The following LHFPL4 variants were observed in gnomAD, a reference collection of about 807,000 sequenced individuals.
LHFPL4 encodes LHFPL tetraspan subfamily member 4, also known as LHFPL tetraspan subfamily member 4 protein.
A neutral mutation model predicts 20.0 loss-of-function variants in LHFPL4; 6 were observed. The observed-to-expected ratio is 0.30, with a 90% CI of 0.16 to 0.59. The LOEUF (loss-of-function observed/expected upper bound fraction) is 0.59. Among genes scored for constraint, LHFPL4 ranks in the 20% least tolerant of loss-of-function variants. The pLI is 0.88. For missense variants in LHFPL4, 215 were observed against 331.2 expected (o/e 0.65, Z 2.72); for synonymous variants, 129 against 143.8 (o/e 0.90, Z 0.74).
chr3:9,514,224 T>C (rs1184532264), intron 2 of LHFPL4, among the ~76,000 whole-genome samples: 5 of 152,154 alleles, frequency 3.3e-5, no homozygotes, highest in Admixed American at 1.3e-4. Context: ...GGAGAAGCAC[T>C]TGAGCCCAGA....
chr3:9,549,307 T>C (rs1050015178), intron 2 of LHFPL4, among the ~76,000 whole-genome samples: 4 of 152,162 alleles, frequency 2.6e-5, no homozygotes, highest in Admixed American at 6.6e-5. Context: ...GTTATAGAGC[T>C]GGTGAAGAAC....
intron 2 of LHFPL4, among the ~76,000 whole-genome samples, chr3:9,519,595 C>A (rs2125659372): frequency 6.6e-6 from 1 of 152,210 alleles, no homozygotes; most frequent in African/African-American, 2.4e-5. Context: ...AATCTTACTT[C>A]ATCAACAGGT....
chr3:9,521,459 T>C (rs1268759730), intron 2 of LHFPL4, among the ~76,000 whole-genome samples: 1 of 151,816 alleles, frequency 6.6e-6, no homozygotes, highest in East Asian at 1.9e-4. Flanking sequence ...TGGAGTGCAG[T>C]GGCACGATCT....
chr3:9,536,628 C>T (rs2046446043), intron 2 of LHFPL4, among the ~76,000 whole-genome samples: 1 of 152,170 alleles, frequency 6.6e-6, no homozygotes, highest in Non-Finnish European at 1.5e-5. Context: ...TCCACCATCA[C>T]CTGTTCCACA....
chr3:9,535,140 T>G (rs1192678763), intron 2 of LHFPL4, among the ~76,000 whole-genome samples: 1 of 152,202 alleles, frequency 6.6e-6, no homozygotes, highest in South Asian at 2.1e-4. Flanking sequence ...TAAGAAATAC[T>G]CATGATGTGT....
At chr3:9,528,477 C>T (rs979281264) in intron 2 of LHFPL4, among the ~76,000 whole-genome samples, 11 of 152,140 alleles carry the variant, frequency 7.2e-5, no homozygotes, top group Non-Finnish European at 1.6e-4. Flanking sequence ...TTTCTATTTT[C>T]GCCACACCTT....
intron 2 of LHFPL4, among the ~76,000 whole-genome samples, chr3:9,511,267 T>G (rs1574839075): frequency 6.7e-6 from 1 of 150,168 alleles, no homozygotes; most frequent in African/African-American, 2.5e-5. Flanking sequence ...AGGAGAATGG[T>G]GTGAACCCAG....
At chr3:9,548,660 G>T (rs555203017) in intron 2 of LHFPL4, among the ~76,000 whole-genome samples, 2 of 152,262 alleles carry the variant, frequency 1.3e-5, no homozygotes, top group African/African-American at 2.4e-5. Context: ...TTCTGTTGGC[G>T]CTTGTCTTGC....
At chr3:9,535,930 T>C (rs1248756581) in intron 2 of LHFPL4, among the ~76,000 whole-genome samples, 1 of 152,214 alleles carries the variant, frequency 6.6e-6, no homozygotes, top group Admixed American at 6.5e-5. Flanking sequence ...GCCTCCTGAA[T>C]AGCTGAGACT....
intron 2 of LHFPL4, among the ~76,000 whole-genome samples, chr3:9,543,938 G>T (rs2046495279): frequency 6.6e-6 from 1 of 151,906 alleles, no homozygotes. Flanking sequence ...GCCCAGGCTG[G>T]TCTCAAACTC....
intron 2 of LHFPL4, among the ~76,000 whole-genome samples, chr3:9,521,007 A>T (rs1255353528): frequency 2.0e-5 from 3 of 152,128 alleles, no homozygotes; most frequent in Admixed American, 6.5e-5. Flanking sequence ...AGAGGTCTCG[A>T]AGTCTCCAAC....
Position 9,552,786 on chromosome 3 carries a change from C to T in LHFPL4, c.-107G>A, listed in dbSNP as rs1024048002. On this transcript the variant is annotated 5_prime_UTR_variant, in exon 2 of 4. Transcript: ENST00000287585. ...AGCTGGGGACGCACGCGAGAAGCGGCCCTGAGTCAAGGAACCCGCGAGGGC... is the reference window on the plus strand; with the variant it reads ...AGCTGGGGACGCACGCGAGAAGCGGTCCTGAGTCAAGGAACCCGCGAGGGC... 2.5e-5 allele frequency: 16 copies of T among 628,780 alleles called. No individual in the cohort carries two copies. The highest frequency in any genetic ancestry group is 4.0e-5 in the African/African-American group (2 of 49,922). 39.0% of individuals were successfully genotyped at this position (628,780 alleles called of 1,614,324 possible). A position where few individuals can be genotyped will look rare whatever the true frequency, so the allele number is the denominator to read the frequency against.
At chr3:9,541,558 G>A (rs748450617) in intron 2 of LHFPL4, among the ~76,000 whole-genome samples, 34 of 152,046 alleles carry the variant, frequency 2.2e-4, no homozygotes, top group Non-Finnish European at 3.8e-4. Flanking sequence ...GATCACATGA[G>A]GTCAGGAGTT....
At chr3:9,550,732 C>T (rs2046547901) in intron 2 of LHFPL4, 1 of 152,106 alleles carries the variant, frequency 6.6e-6, no homozygotes, top group Non-Finnish European at 1.5e-5. Context: ...AGCCATATCC[C>T]CCATATCCTA....
intron 2 of LHFPL4, among the ~76,000 whole-genome samples, chr3:9,519,792 A>C (rs1010702846): frequency 6.6e-6 from 1 of 151,900 alleles, no homozygotes; most frequent in African/African-American, 2.4e-5. Flanking sequence ...AGCTCAAGGA[A>C]TCCTTCTGCC....
intron 2 of LHFPL4, among the ~76,000 whole-genome samples, chr3:9,549,692 C>G (rs1000714412): frequency 6.6e-6 from 1 of 151,922 alleles, no homozygotes; most frequent in Non-Finnish European, 1.5e-5. Flanking sequence ...AGTGAAACTC[C>G]GTCTCAAAAT....
At chr3:9,529,318 C>T (rs759502835) in intron 2 of LHFPL4, among the ~76,000 whole-genome samples, 8 of 152,122 alleles carry the variant, frequency 5.3e-5, no homozygotes, top group African/African-American at 1.2e-4. Flanking sequence ...CGAGCCACCG[C>T]GCCCGGCCAT....
chr3:9,506,334 C>T lies in LHFPL4; in HGVS notation c.407-131G>A. 1.4e-6 allele frequency: 1 copy of T among 694,466 alleles called. No individual in the cohort carries two copies. The highest frequency in any genetic ancestry group is 2.6e-6 in the Non-Finnish European group (1 of 392,050). 43.0% of individuals were successfully genotyped at this position (694,466 alleles called of 1,614,324 possible). On this transcript the variant is annotated intron_variant, in intron 2 of 3. Coordinates refer to ENST00000287585, the MANE Select transcript of LHFPL4 (RefSeq NM_198560.3). The surrounding 1 kb of genome is among the most constrained non-coding windows in gnomAD (Gnocchi z 4.5). ...AACCCAACCACGTGCTTGTTACCCA[C>T]TTCCACAGAGGGAGAAAGAGAGGGC...
In LHFPL4 at chr3:9,516,904, C is replaced by T. The variant is rs554912515; in HGVS notation, c.407-10701G>A. 7.9e-5 allele frequency among the ~76,000 whole-genome samples: 12 copies of T among 151,288 alleles called. No individual in the cohort carries two copies. In the East Asian group the frequency reaches 1.6e-3, roughly 20 times the overall value. On this transcript the variant is annotated intron_variant, in intron 2 of 3. Coordinates refer to ENST00000287585, the MANE Select transcript of LHFPL4 (RefSeq NM_198560.3). The stretch of plus-strand genomic sequence containing the variant: ...AAGTGATTCTCCTGCCTCAGCCTCC[C>T]GAGTAGCTGGGATTAGGGGAGCCCG...
Sources: gnomAD v4.1 joint callset for allele counts (sites outside exome capture counted in the v4.1 genomes callset) on GRCh38, gnomAD v4.1.1 for gene constraint, Gnocchi (gnomAD v3.1) non-coding constraint, MANE v1.5 for transcripts, NCBI Gene and HGNC (gene_info 2026-07-23, HGNC 2026-07-21) for gene names.